PMPCB: variants seen among roughly 807,000 people sequenced by gnomAD.
The protein encoded by PMPCB is peptidase, mitochondrial processing subunit beta, also known as mitochondrial-processing peptidase subunit beta.
Under a neutral mutation model 61.5 loss-of-function variants are expected in PMPCB, and 46 were observed. That is an observed-to-expected ratio of 0.75 (90% CI 0.59 to 0.96). PMPCB has a LOEUF of 0.96. Among genes scored for constraint, PMPCB ranks in the 40% least tolerant of loss-of-function variants. The pLI, the probability that PMPCB is intolerant of heterozygous loss-of-function variation, is 0.00. For missense variants in PMPCB, 590 were observed against 602.4 expected (o/e 0.98, Z 0.22); for synonymous variants, 191 against 201.6 (o/e 0.95, Z 0.44).
At chr7:103,342,260 G>T in the PMPCB span, among the ~76,000 whole-genome samples, 3 of 151,562 alleles carry the variant, frequency 2.0e-5, no homozygotes, top group Non-Finnish European at 4.4e-5. Context: ...GGAACAGGAA[G>T]AAATGTTGCA....
At chr7:103,298,366 A>G (rs1181396162) in intron 1 of PMPCB, among the ~76,000 whole-genome samples, 1 of 152,196 alleles carries the variant, frequency 6.6e-6, no homozygotes, top group Non-Finnish European at 1.5e-5. Context: ...GCATGTTTAT[A>G]AACACGTTGC....
At chr7:103,331,411 T>C (rs1262131738), downstream of PMPCB, among the ~76,000 whole-genome samples, 1 of 152,228 alleles carries the variant, frequency 6.6e-6, no homozygotes, top group Non-Finnish European at 1.5e-5. Context: ...AATACATCAT[T>C]GTTAACTATC....
chr7:103,327,567 G>T, intron 12 of PMPCB: 1 of 836,716 alleles, frequency 1.2e-6, no homozygotes, highest in Non-Finnish European at 1.9e-6. Context: ...ATAGTTGAAT[G>T]AACTACAGTA....
intron 1 of PMPCB, among the ~76,000 whole-genome samples, chr7:103,298,347 G>C (rs1273891728): frequency 6.6e-6 from 1 of 151,934 alleles, no homozygotes; most frequent in African/African-American, 2.4e-5. Context: ...CATCTTCCCT[G>C]AGGGAAGGGC....
Position 103,312,068 on chromosome 7 carries a change from G to A in PMPCB, c.1342G>A (p.Glu448Lys). ...LEARIDAVNA[E>K]TIREVCTKYI... ...TTCCATATTTCAGGCTGTGAATGCT[G>A]AGACAATTCGAGAAGTATGTACCAA... The change falls in exon 12 of 13, where the codon GAG becomes AAG. Residue 448 changes from glutamate (E) to lysine (K), a missense_variant. Physicochemically the swap from Glu to Lys is moderately conservative, Grantham distance 56. Transcript: ENST00000249269. The A allele has an allele frequency of 1.2e-6, 2 of 1,613,792 alleles. No homozygotes were observed. Among genetic ancestry groups the A allele is most frequent in the Non-Finnish European group, 1.7e-6 (2 of 1,179,856 alleles).
chr7:103,307,906 GT>G (rs144876979), intron 7 of PMPCB, among the ~76,000 whole-genome samples, 198 bp downstream of exon 7: 2 of 152,012 alleles, frequency 1.3e-5, no homozygotes, highest in Non-Finnish European at 2.9e-5. Context: ...AGGAAGCAAG[GT>G]TTTTTTTGTT....
intron 12 of PMPCB, among the ~76,000 whole-genome samples, chr7:103,328,415 G>C (rs950402621): frequency 3.9e-5 from 6 of 151,970 alleles, no homozygotes; most frequent in Admixed American, 2.6e-4. Flanking sequence ...AGGATCACTT[G>C]AGGTCAGGAG....
chr7:103,311,466 G>GT, intron 9 of PMPCB, 177 bp from the exon 10 acceptor site: 1 of 598,248 alleles, frequency 1.7e-6, no homozygotes, highest in Non-Finnish European at 3.0e-6. Flanking sequence ...GCATGTTTAT[G>GT]TATCATTTTT....
At chr7:103,327,875 A>AAT in intron 12 of PMPCB, 2 of 588,478 alleles carry the variant, frequency 3.4e-6, no homozygotes, top group East Asian at 5.8e-5. Flanking sequence ...CCCACAGTAA[A>AAT]ATATATGCTT....
intron 7 of PMPCB, among the ~76,000 whole-genome samples, chr7:103,308,148 T>G (rs1037000605): frequency 6.6e-6 from 1 of 152,216 alleles, no homozygotes; most frequent in African/African-American, 2.4e-5. Context: ...AGCCAGAACT[T>G]GCAGGGGATC....
the PMPCB span, chr7:103,335,604 G>A: frequency 6.6e-6 from 1 of 151,374 alleles, no homozygotes; most frequent in African/African-American, 2.4e-5. Context: ...GGACTGCAGT[G>A]GTACAATCTT....
In PMPCB at chr7:103,311,813, A is replaced by T; in HGVS notation, c.1246A>T (p.Thr416Ser). ...TTTTCCTTCTCTTTAAACAGGTTCA[A>T]CTCCAATTTGTGAAGATATTGGTAG... Reference protein sequence around the residue: ...TNMLLQLDGSTPICEDIGRQM... With the variant: ...TNMLLQLDGSSPICEDIGRQM... Residue 416 changes from threonine to serine, a missense_variant, in exon 11 of 13, where the codon ACT becomes TCT. Physicochemically the swap from Thr to Ser is moderately conservative, Grantham distance 58. Transcript: ENST00000249269. 6.2e-7 allele frequency: 1 copy of T among 1,611,404 alleles called. No individual in the cohort carries two copies. The highest frequency in any genetic ancestry group is 1.1e-5 in the South Asian group (1 of 90,846).
At chr7:103,317,234 G>C, downstream of PMPCB, 2 of 502,170 alleles carry the variant, frequency 4.0e-6, no homozygotes, top group Admixed American at 3.7e-5. Context: ...CAGCCTGCCT[G>C]ATTTTCCCAG....
intron 12 of PMPCB, chr7:103,323,713 A>C (rs774988520): frequency 8.0e-7 from 1 of 1,257,008 alleles, no homozygotes; most frequent in Non-Finnish European, 1.1e-6. Context: ...AATGAAAAAA[A>C]ATTCTTTTTA....
At chr7:103,327,164 G>C (rs1486431426) in intron 12 of PMPCB, among the ~76,000 whole-genome samples, 1 of 152,112 alleles carries the variant, frequency 6.6e-6, no homozygotes, top group Non-Finnish European at 1.5e-5. Flanking sequence ...GCTTAGTGAT[G>C]TGTATGTAAA....
At chr7:103,326,507 CAG>C in intron 12 of PMPCB, 1 of 1,609,478 alleles carries the variant, frequency 6.2e-7, no homozygotes. Flanking sequence ...AACAAGCCAA[CAG>C]GGCACTATGA....
At chr7:103,327,556 G>A (rs1818771146) in intron 12 of PMPCB, 1 of 789,170 alleles carries the variant, frequency 1.3e-6, no homozygotes. Context: ...AATGTCAAAG[G>A]ATAGTTGAAT....
At chr7:103,339,604 G>GT in the PMPCB span, among the ~76,000 whole-genome samples, 1,534 of 143,746 alleles carry the variant, frequency 0.011, 19 homozygotes, top group African/African-American at 0.028. Context: ...AAATCCAATG[G>GT]TTTTTTTTTT....
At chr7:103,335,194 A>C in the PMPCB span, 1 of 152,216 alleles carries the variant, frequency 6.6e-6, no homozygotes, top group Non-Finnish European at 1.5e-5. Context: ...ACAAAAATAA[A>C]ACTTTGCTTG....
Sources: gnomAD v4.1 joint callset for allele counts (sites outside exome capture counted in the v4.1 genomes callset) on GRCh38, gnomAD v4.1.1 for gene constraint, MANE v1.5 for transcripts, NCBI Gene and HGNC (gene_info 2026-07-23, HGNC 2026-07-21) for gene names.